Variants in KCNJ6 observed in about 807,000 individuals in gnomAD.
KCNJ6 encodes potassium inwardly rectifying channel subfamily J member 6, also known as G protein-activated inward rectifier potassium channel 2.
Under a neutral mutation model 34.2 loss-of-function variants are expected in KCNJ6, and 9 were observed. The observed-to-expected ratio is 0.26, with a 90% confidence interval of 0.16 to 0.46. The LOEUF is 0.46. KCNJ6 is among the 20% of genes least tolerant of loss of function. The probability of loss-of-function intolerance (pLI) is 1.00; values close to 1 mark genes in which losing one functional copy is unlikely to be tolerated. For missense variants in KCNJ6, 236 were observed against 531.3 expected (o/e 0.44, Z 5.46); for synonymous variants, 196 against 207.1 (o/e 0.95, Z 0.46).
At chr21:37,684,231 C>A (rs544913252) in intron 3 of KCNJ6, among the ~76,000 whole-genome samples, 1 of 152,116 alleles carries the variant, frequency 6.6e-6, no homozygotes, top group African/African-American at 2.4e-5. Flanking sequence ...CAGGCCTCTC[C>A]CCCGGGTTAT....
chr21:37,742,101 A>T (rs562898549), intron 2 of KCNJ6, among the ~76,000 whole-genome samples: 1 of 152,328 alleles, frequency 6.6e-6, no homozygotes, highest in East Asian at 1.9e-4. Flanking sequence ...AGAAATGGAC[A>T]TCCTGTGTGA....
intron 1 of KCNJ6, among the ~76,000 whole-genome samples, chr21:37,872,265 C>T (rs1292415710): frequency 6.6e-6 from 1 of 152,074 alleles, no homozygotes; most frequent in Non-Finnish European, 1.5e-5. Flanking sequence ...GTAGCACACC[C>T]CAGACCTAGA....
At chr21:37,840,126 A>G (rs2055472941) in intron 2 of KCNJ6, among the ~76,000 whole-genome samples, 1 of 152,196 alleles carries the variant, frequency 6.6e-6, no homozygotes, top group South Asian at 2.1e-4. Flanking sequence ...TGCTTTGTGT[A>G]TCCTGTTTAT....
chr21:37,732,381 G>A (rs1282776407), intron 2 of KCNJ6, among the ~76,000 whole-genome samples: 1 of 152,182 alleles, frequency 6.6e-6, no homozygotes, highest in Non-Finnish European at 1.5e-5. Context: ...TTTCAGTCTT[G>A]AAGAGGGGCA....
At chr21:37,669,393 G>T (rs1039039522) in intron 3 of KCNJ6, among the ~76,000 whole-genome samples, 21 of 152,276 alleles carry the variant, frequency 1.4e-4, no homozygotes, top group African/African-American at 4.8e-4. Context: ...TTCATATTTG[G>T]CTCAGAATAA....
intron 2 of KCNJ6, among the ~76,000 whole-genome samples, chr21:37,776,238 A>T (rs1385861369): frequency 1.3e-5 from 2 of 152,204 alleles, no homozygotes. Flanking sequence ...CAGCTTAAGA[A>T]GATTTTGGGC....
At chr21:37,670,770 GACAAA>G (rs1055300786) in intron 3 of KCNJ6, among the ~76,000 whole-genome samples, 7 of 152,096 alleles carry the variant, frequency 4.6e-5, no homozygotes, top group Non-Finnish European at 7.4e-5. Flanking sequence ...GTCTCAAAAA[GACAAA>G]ACAAAACAAA....
At chr21:37,832,947 G>A (rs1746149013) in intron 2 of KCNJ6, among the ~76,000 whole-genome samples, 2 of 152,118 alleles carry the variant, frequency 1.3e-5, no homozygotes, top group Non-Finnish European at 2.9e-5. Flanking sequence ...AGAGGTAGTG[G>A]TGGTCCCCAG....
intron 2 of KCNJ6, among the ~76,000 whole-genome samples, chr21:37,755,082 G>C (rs539014754): frequency 1.1e-4 from 17 of 152,300 alleles, no homozygotes; most frequent in Non-Finnish European, 2.4e-4. Flanking sequence ...AATTCCTTAA[G>C]GACCCGAGCG....
intron 3 of KCNJ6, among the ~76,000 whole-genome samples, chr21:37,676,210 C>A (rs1412252681): frequency 1.3e-5 from 2 of 152,180 alleles, no homozygotes; most frequent in Non-Finnish European, 2.9e-5. Context: ...GGCTTGGGGA[C>A]TGACCTTTGG....
intron 2 of KCNJ6, among the ~76,000 whole-genome samples, chr21:37,780,895 T>A (rs1426014609): frequency 6.6e-6 from 1 of 152,074 alleles, no homozygotes; most frequent in Non-Finnish European, 1.5e-5. Context: ...AATAAAAATA[T>A]AAAGTTTATT....
chr21:37,674,259 T>C (rs2054554579), intron 3 of KCNJ6, among the ~76,000 whole-genome samples: 1 of 152,204 alleles, frequency 6.6e-6, no homozygotes. Flanking sequence ...TCTGTTTGCC[T>C]GGGACTTACC....
chr21:37,686,363 G>C (rs971367766), intron 3 of KCNJ6, among the ~76,000 whole-genome samples: 1 of 151,576 alleles, frequency 6.6e-6, no homozygotes, highest in Admixed American at 6.6e-5. Flanking sequence ...GGAAGCTAGT[G>C]TCTGGGAAGG....
chr21:37,737,163 G>T (rs980184600), intron 2 of KCNJ6, among the ~76,000 whole-genome samples: 1 of 152,170 alleles, frequency 6.6e-6, no homozygotes, highest in Non-Finnish European at 1.5e-5. Context: ...GTGCATCAGT[G>T]CCCGATGGCA....
In KCNJ6 at chr21:37,607,482, A is replaced by ATATATATATATATATATATATATATATT; in HGVS notation, c.*17676_*17677insAATATATATATATATATATATATATATA. On this transcript the variant is annotated 3_prime_UTR_variant, in exon 4 of 4. Coordinates refer to ENST00000609713, the MANE Select transcript of KCNJ6 (RefSeq NM_002240.5). ...CTTAAAGATATATATATATATATAT[A>ATATATATATATATATATATATATATATT]TTTTTTTTTTATTTTAAAAAAATTT... 10 of 136,758 alleles carry ATATATATATATATATATATATATATATT rather than the reference A, an allele frequency of 7.3e-5. No individual in the cohort carries two copies. The highest frequency in any genetic ancestry group is 4.6e-4 in the East Asian group (2 of 4,380). The allele number at this position is 136,758 out of a possible 1,614,324, so 8.5% of individuals were successfully genotyped here.
Position 37,614,750 on chromosome 21 carries a change from A to ATG in KCNJ6, c.*10407_*10408dup, listed in dbSNP as rs143621448. Reference sequence around the variant, plus strand: ...TGTGTGTGTATGCGCATGTCTCTGTATGTGTGTGTATGCATGTGTCTGTGT... The same window carrying ATG: ...TGTGTGTGTATGCGCATGTCTCTGTATGTGTGTGTGTATGCATGTGTCTGTGT... On this transcript the variant is annotated 3_prime_UTR_variant, in exon 4 of 4. Coordinates refer to ENST00000609713, the MANE Select transcript of KCNJ6 (RefSeq NM_002240.5). The ATG allele has an allele frequency of 2.5e-5, 3 of 118,716 alleles. No homozygotes were observed. The Admixed American group carries it at 2.6e-4, about 10-fold the overall frequency. The allele number at this position is 118,716 out of a possible 1,614,324, so 7.4% of individuals were successfully genotyped here. A position where few individuals can be genotyped will look rare whatever the true frequency, so the allele number is the denominator to read the frequency against.
intron 2 of KCNJ6, among the ~76,000 whole-genome samples, chr21:37,820,645 G>A (rs772089936): frequency 6.6e-6 from 1 of 152,204 alleles, no homozygotes; most frequent in Non-Finnish European, 1.5e-5. Flanking sequence ...TTACTAGAAT[G>A]ACTAACAGAA....
chr21:37,715,724 A>AG (rs1464874175), intron 2 of KCNJ6, among the ~76,000 whole-genome samples: 2 of 152,212 alleles, frequency 1.3e-5, no homozygotes, highest in African/African-American at 4.8e-5. Flanking sequence ...TTATGCGAAG[A>AG]GGGAGAGACA....
intron 2 of KCNJ6, among the ~76,000 whole-genome samples, chr21:37,832,607 A>G (rs1243877671): frequency 6.6e-6 from 1 of 152,038 alleles, no homozygotes; most frequent in Non-Finnish European, 1.5e-5. Flanking sequence ...TGGGGCAGTC[A>G]TCTGCTCTCT....
Sources: allele counts gnomAD v4.1 joint callset (sites outside exome capture counted in the v4.1 genomes callset), GRCh38; gene constraint gnomAD v4.1.1; transcripts MANE v1.5; gene names NCBI Gene and HGNC (gene_info 2026-07-23, HGNC 2026-07-21).